GFOD1: variants seen among roughly 807,000 people sequenced by gnomAD.
The protein encoded by GFOD1 is Gfo/Idh/MocA-like oxidoreductase domain containing 1, also known as glucose-fructose oxidoreductase domain-containing protein 1.
GFOD1 carries 9 observed loss-of-function variants against 25.4 expected under a neutral mutation model. The ratio of observed to expected loss-of-function variants is 0.35; its 90% confidence interval spans 0.21 to 0.62. The LOEUF (loss-of-function observed/expected upper bound fraction) is 0.62, where lower values mean the gene tolerates loss of function less well. GFOD1 is among the 20% of genes least tolerant of loss of function. The pLI is 0.72. For missense variants in GFOD1, 403 were observed against 556.9 expected, an observed-to-expected ratio of 0.72 and a Z score of 2.78; for synonymous variants, 253 against 245.6, an observed-to-expected ratio of 1.03 and a Z score of -0.28.
chr6:13,469,839 G>A, intron 1 of GFOD1: 4 of 1,141,894 alleles, frequency 3.5e-6, no homozygotes, highest in Non-Finnish European at 4.7e-6. Flanking sequence ...ATTGGAGGTT[G>A]GCCATGAGAC....
rs1757883834 is a variant in GFOD1 at position 13,439,595 on chromosome 6, G to A, written c.253+47043C>T. ...TGAGGCCAGGAGTTCAAGAAGCTGA[G>A]CTGGGGATGTTGGTTGTCATTTACT... On this transcript the variant is annotated intron_variant, in intron 1 of 1. Transcript: ENST00000379287. 2.6e-5 allele frequency among the ~76,000 whole-genome samples: 4 copies of A among 152,238 alleles called. No homozygotes were observed. In the South Asian group the frequency reaches 8.3e-4, roughly 32 times the overall value.
chr6:13,433,464 T>C (rs1424010713), intron 1 of GFOD1, among the ~76,000 whole-genome samples: 3 of 152,160 alleles, frequency 2.0e-5, no homozygotes, highest in South Asian at 2.1e-4. Flanking sequence ...CTGTGCATCA[T>C]AGGATATTTA....
chr6:13,417,280 A>G (rs1190313406), intron 1 of GFOD1, among the ~76,000 whole-genome samples: 2 of 151,998 alleles, frequency 1.3e-5, no homozygotes, highest in Non-Finnish European at 2.9e-5. Flanking sequence ...CAGCCTCCCA[A>G]ATAGCTGGGA....
intron 1 of GFOD1, among the ~76,000 whole-genome samples, chr6:13,428,279 TTC>T (rs1757679145): frequency 6.6e-6 from 1 of 152,238 alleles, no homozygotes; most frequent in Non-Finnish European, 1.5e-5. Context: ...CATGCTGAAT[TTC>T]TCTGTTCTCG....
intron 1 of GFOD1, among the ~76,000 whole-genome samples, chr6:13,396,144 C>T (rs529709481): frequency 1.3e-5 from 2 of 152,318 alleles, no homozygotes; most frequent in South Asian, 4.1e-4. Flanking sequence ...TCTGCTTCTA[C>T]GTAGCTCACT....
chr6:13,474,052 A>C (rs1171088591), intron 1 of GFOD1, among the ~76,000 whole-genome samples: 1 of 152,178 alleles, frequency 6.6e-6, no homozygotes, highest in Non-Finnish European at 1.5e-5. Flanking sequence ...TCTCATTCAA[A>C]CACACAAAAC....
At chr6:13,420,189 A>G (rs73366936) in intron 1 of GFOD1, among the ~76,000 whole-genome samples, 9,465 of 152,244 alleles carry the variant, frequency 0.062, 366 homozygotes, top group Middle Eastern at 0.12. Flanking sequence ...GAAAACCCAA[A>G]GCCAGTGGGC....
rs116100936 is a variant in GFOD1 at position 13,429,958 on chromosome 6, G to A, written c.253+56680C>T. On this transcript the variant is annotated intron_variant, in intron 1 of 1. Transcript: ENST00000379287. Reference sequence around the variant, plus strand: ...ACTTCTCATCTCACATGTTCTTCCAGAACCTTGCCACTTCCTGATGAAGAA... The same window carrying A: ...ACTTCTCATCTCACATGTTCTTCCAAAACCTTGCCACTTCCTGATGAAGAA... Among the ~76,000 whole-genome samples, 238 of 152,132 alleles carry A rather than the reference G, an allele frequency of 1.6e-3. 1 individual carries two copies. Among genetic ancestry groups the A allele is most frequent in the African/African-American group, 5.4e-3 (225 of 41,488 alleles).
intron 1 of GFOD1, among the ~76,000 whole-genome samples, chr6:13,387,311 CAAAA>C (rs1160804623): frequency 2.0e-5 from 3 of 151,982 alleles, no homozygotes; most frequent in African/African-American, 7.3e-5. Flanking sequence ...AGAGACACAA[CAAAA>C]AAAGAGAATT....
At chr6:13,394,719 A>C (rs1447671210) in intron 1 of GFOD1, among the ~76,000 whole-genome samples, 1 of 149,602 alleles carries the variant, frequency 6.7e-6, no homozygotes, top group South Asian at 2.1e-4. Context: ...TGCAACCTCC[A>C]CCTCCTGGGT....
At chr6:13,462,330 CCAAT>C (rs1758306978) in intron 1 of GFOD1, among the ~76,000 whole-genome samples, 1 of 152,166 alleles carries the variant, frequency 6.6e-6, no homozygotes, top group South Asian at 2.1e-4. Context: ...ATTTTTGTTC[CCAAT>C]TTGTGAATGT....
intron 1 of GFOD1, among the ~76,000 whole-genome samples, chr6:13,436,914 C>T (rs1346012711): frequency 1.3e-5 from 2 of 152,186 alleles, no homozygotes; most frequent in Non-Finnish European, 2.9e-5. Flanking sequence ...ATTCAGAACT[C>T]CAGTTCAGAG....
At chr6:13,428,301 C>T (rs1036332774) in intron 1 of GFOD1, among the ~76,000 whole-genome samples, 1 of 152,178 alleles carries the variant, frequency 6.6e-6, no homozygotes, top group Non-Finnish European at 1.5e-5. Flanking sequence ...GTCCTAGTGC[C>T]TCTTTTGACA....
intron 1 of GFOD1, chr6:13,469,612 T>A: frequency 2.7e-6 from 3 of 1,109,248 alleles, no homozygotes; most frequent in Non-Finnish European, 3.3e-6. Context: ...CTTAGCCATG[T>A]ACACTTGCCA....
intron 1 of GFOD1, among the ~76,000 whole-genome samples, chr6:13,431,805 A>G (rs1486845688): frequency 6.6e-6 from 1 of 152,182 alleles, no homozygotes; most frequent in Non-Finnish European, 1.5e-5. Flanking sequence ...CCAGCTAAAA[A>G]TCTCTAATTA....
chr6:13,400,836 TG>T (rs1287071415), intron 1 of GFOD1, among the ~76,000 whole-genome samples: 1 of 152,120 alleles, frequency 6.6e-6, no homozygotes, highest in African/African-American at 2.4e-5. Flanking sequence ...AACTGTTCTG[TG>T]GGACAAGGGA....
At chr6:13,451,535 C>T (rs1342926315) in intron 1 of GFOD1, among the ~76,000 whole-genome samples, 1 of 152,186 alleles carries the variant, frequency 6.6e-6, no homozygotes, top group Non-Finnish European at 1.5e-5. Flanking sequence ...ATCAGCAAAG[C>T]CCTCCGAGTA....
chr6:13,478,436 C>T (rs944091957), intron 1 of GFOD1, among the ~76,000 whole-genome samples: 4 of 152,210 alleles, frequency 2.6e-5, no homozygotes, highest in African/African-American at 9.7e-5. Context: ...TCACACCCAG[C>T]CGAAATGTCC....
intron 1 of GFOD1, among the ~76,000 whole-genome samples, chr6:13,454,570 A>G (rs1188340523): frequency 1.3e-5 from 2 of 152,144 alleles, no homozygotes; most frequent in African/African-American, 2.4e-5. Context: ...GGAAACTAGA[A>G]ACCCAAAAAA....
Sources: gnomAD v4.1 joint callset for allele counts (sites outside exome capture counted in the v4.1 genomes callset) on GRCh38, gnomAD v4.1.1 for gene constraint, MANE v1.5 for transcripts, NCBI Gene and HGNC (gene_info 2026-07-23, HGNC 2026-07-21) for gene names.